The following SLC22A4 variants were observed in gnomAD, a reference collection of about 807,000 sequenced individuals.
SLC22A4 encodes solute carrier family 22 member 4.
SLC22A4 carries 39 observed loss-of-function variants against 56.6 expected under a neutral mutation model. That is an observed-to-expected ratio of 0.69 (90% confidence interval 0.53 to 0.90). The LOEUF (loss-of-function observed/expected upper bound fraction) is 0.90, where lower values mean the gene tolerates loss of function less well. Ranked by LOEUF, SLC22A4 falls within the 40% of genes least tolerant of loss-of-function variation. The pLI is 0.00. For synonymous variants in SLC22A4, 241 were observed against 281.4 expected (o/e 0.86, Z 1.44); for missense variants, 594 against 696.5 (o/e 0.85, Z 1.66).
At chr5:132,308,035 G>C (rs1381619166) in intron 1 of SLC22A4, among the ~76,000 whole-genome samples, 2 of 152,164 alleles carry the variant, frequency 1.3e-5, no homozygotes, top group Non-Finnish European at 2.9e-5. Context: ...AATTTGTTAA[G>C]CACCCACTGT....
chr5:132,298,548 G>A (rs1448957586), intron 1 of SLC22A4, among the ~76,000 whole-genome samples: 4 of 152,238 alleles, frequency 2.6e-5, no homozygotes, highest in Non-Finnish European at 5.9e-5. Flanking sequence ...TTGCACAACA[G>A]TGTGAACGCT....
At chr5:132,299,246 G>A (rs1410582110) in intron 1 of SLC22A4, among the ~76,000 whole-genome samples, 1 of 152,144 alleles carries the variant, frequency 6.6e-6, no homozygotes. Context: ...TATGCCAGGA[G>A]GTAGCAATAA....
At chr5:132,339,712 C>G (rs1360384403) in intron 8 of SLC22A4, among the ~76,000 whole-genome samples, 1 of 152,168 alleles carries the variant, frequency 6.6e-6, no homozygotes, top group East Asian at 1.9e-4. Flanking sequence ...TGGTCAGACA[C>G]TGGTACATAA....
At position 132,340,575 on chromosome 5, in the gene SLC22A4, C is replaced by T; in HGVS notation, c.1455C>T (p.Asn485=). 1 of 1,614,002 alleles carries T rather than the reference C, an allele frequency of 6.2e-7. No individual in the cohort carries two copies. Among genetic ancestry groups the T allele is most frequent in the Non-Finnish European group, 8.5e-7 (1 of 1,179,912 alleles). Reference sequence around the variant, plus strand: ...TCCCGGGCTTTACAGGTGCTTACAACAGAATGCTGCCCTACATCGTCATGG... The same window carrying T: ...TCCCGGGCTTTACAGGTGCTTACAATAGAATGCTGCCCTACATCGTCATGG... The part of the protein sequence containing the change: ...APYFVYLGAY[N]RMLPYIVMGS... Residue 485 remains asparagine (N), a synonymous_variant, in exon 9 of 10, where the codon AAC becomes AAT. Transcript: ENST00000200652.
intron 1 of SLC22A4, 168 bp downstream of exon 1, chr5:132,295,177 C>G: frequency 1.2e-6 from 1 of 809,738 alleles, no homozygotes. Flanking sequence ...ATAGGACTCA[C>G]GCGAGGCGCA....
intron 6 of SLC22A4, among the ~76,000 whole-genome samples, chr5:132,333,835 T>C (rs1168040677): frequency 1.3e-5 from 2 of 152,102 alleles, no homozygotes; most frequent in Non-Finnish European, 2.9e-5. Context: ...AGATAGAGTT[T>C]CGCTCTGTCA....
chr5:132,343,557 G>A (rs1444310144), intron 9 of SLC22A4, among the ~76,000 whole-genome samples: 1 of 151,772 alleles, frequency 6.6e-6, no homozygotes, highest in East Asian at 1.9e-4. Flanking sequence ...TTTAAATTCT[G>A]GCTTCTATGC....
At chr5:132,303,083 A>G (rs1482209680) in intron 1 of SLC22A4, among the ~76,000 whole-genome samples, 1 of 152,276 alleles carries the variant, frequency 6.6e-6, no homozygotes, top group East Asian at 1.9e-4. Flanking sequence ...TGTATCTAGA[A>G]TATAAAAATA....
chr5:132,328,838 TACACACACACAC>T (rs200357854), intron 5 of SLC22A4, among the ~76,000 whole-genome samples: 3 of 138,674 alleles, frequency 2.2e-5, no homozygotes, highest in African/African-American at 8.2e-5. Context: ...TATATATATA[TACACACACACAC>T]ACACACACAC....
At chr5:132,341,959 A>G (rs1018859882) in intron 9 of SLC22A4, among the ~76,000 whole-genome samples, 6 of 151,948 alleles carry the variant, frequency 3.9e-5, no homozygotes, top group Non-Finnish European at 7.4e-5. Context: ...AAAAAAAAAC[A>G]CATCAAGATA....
At chr5:132,331,099 A>G (rs768747700) in intron 5 of SLC22A4, among the ~76,000 whole-genome samples, 1 of 152,148 alleles carries the variant, frequency 6.6e-6, no homozygotes, top group Non-Finnish European at 1.5e-5. Context: ...TTGGGAGGCC[A>G]AAGTGGGCAG....
chr5:132,306,577 C>G (rs13180569), intron 1 of SLC22A4, among the ~76,000 whole-genome samples: 334 of 150,812 alleles, frequency 2.2e-3, no homozygotes, highest in Non-Finnish European at 4.1e-3. Flanking sequence ...TCCCAAGTAG[C>G]TGGGATTACA....
chr5:132,297,402 A>C (rs987388448), intron 1 of SLC22A4, among the ~76,000 whole-genome samples: 1 of 152,104 alleles, frequency 6.6e-6, no homozygotes, highest in Non-Finnish European at 1.5e-5. Context: ...GTACCAGGGT[A>C]AGCAGGATGG....
intron 9 of SLC22A4, among the ~76,000 whole-genome samples, chr5:132,343,192 G>C (rs781491293): frequency 4.6e-5 from 7 of 152,232 alleles, no homozygotes; most frequent in Non-Finnish European, 1.0e-4. Context: ...GTGGTATTTA[G>C]GAGAAGTTTA....
intron 4 of SLC22A4, among the ~76,000 whole-genome samples, chr5:132,322,919 T>C (rs1425551005): frequency 1.3e-5 from 2 of 152,222 alleles, no homozygotes; most frequent in African/African-American, 2.4e-5. Flanking sequence ...ACAACAGTTA[T>C]AGGAATAACA....
At chr5:132,324,609 A>G in intron 4 of SLC22A4, 1 of 471,062 alleles carries the variant, frequency 2.1e-6, no homozygotes, top group South Asian at 1.5e-5. Flanking sequence ...CTATAAAAGA[A>G]AATAGCTTTC....
At chr5:132,302,123 C>T (rs575450737) in intron 1 of SLC22A4, among the ~76,000 whole-genome samples, 1 of 152,364 alleles carries the variant, frequency 6.6e-6, no homozygotes, top group East Asian at 1.9e-4. Context: ...TGCCTCACCC[C>T]AAACTGTTTG....
At chr5:132,300,458 G>T (rs901365234) in intron 1 of SLC22A4, among the ~76,000 whole-genome samples, 1 of 152,164 alleles carries the variant, frequency 6.6e-6, no homozygotes, top group Non-Finnish European at 1.5e-5. Flanking sequence ...GCCTAGTGAT[G>T]ATTTTGCATT....
At chr5:132,295,673 G>A (rs910746432) in intron 1 of SLC22A4, 55 of 197,508 alleles carry the variant, frequency 2.8e-4, no homozygotes, top group Non-Finnish European at 5.0e-4. Context: ...GTGGTTAGTG[G>A]CAGGTTTTCT....
Sources: allele counts gnomAD v4.1 joint callset (sites outside exome capture counted in the v4.1 genomes callset), GRCh38; gene constraint gnomAD v4.1.1; transcripts MANE v1.5; gene names NCBI Gene and HGNC (gene_info 2026-07-23, HGNC 2026-07-21).